The following PATJ variants were observed in gnomAD, a reference collection of about 807,000 sequenced individuals.
PATJ encodes inaD-like protein.
Under a neutral mutation model 224.9 loss-of-function variants are expected in PATJ, and 190 were observed. The ratio of observed to expected loss-of-function variants is 0.84; its 90% CI spans 0.75 to 0.95. The LOEUF (loss-of-function observed/expected upper bound fraction) is 0.95. PATJ is among the 40% of genes least tolerant of loss of function. The pLI, the probability that PATJ is intolerant of heterozygous loss-of-function variation, is 0.00. For missense variants in PATJ, 2,121 were observed against 2,270.3 expected (o/e 0.93, Z 1.34); for synonymous variants, 769 against 820.3 (o/e 0.94, Z 1.07).
chr1:61,856,062 G>T lies in PATJ; in HGVS notation c.2145G>T (p.Val715=), dbSNP rs41289422. The change falls in exon 18 of 44, where the codon GTG becomes GTT. Residue 715 remains valine, a synonymous_variant. Transcript: ENST00000642238. ...DPLDPTRSVI[V]IRSLVADGVA... ...TAGATCCTACAAGATCAGTGATTGT[G>T]ATCCGCTCCCTGGTAGCAGATGGTG... 1,696 of 1,613,938 alleles carry T rather than the reference G, an allele frequency of 1.1e-3. 2 individuals are homozygous for T. The highest frequency in any genetic ancestry group is 1.2e-3 in the Non-Finnish European group (1,466 of 1,179,934).
chr1:61,743,853 A>T (rs1252598031), intron 1 of PATJ, among the ~76,000 whole-genome samples: 1 of 152,198 alleles, frequency 6.6e-6, no homozygotes, highest in Admixed American at 6.5e-5. Context: ...CCCGAGGTGC[A>T]CAGGCCTGGC....
chr1:61,838,490 G>A (rs1461519543), intron 17 of PATJ, among the ~76,000 whole-genome samples: 4 of 151,048 alleles, frequency 2.6e-5, no homozygotes, highest in African/African-American at 4.9e-5. Context: ...GAGTAGCTGG[G>A]ACTACAGGCA....
intron 15 of PATJ, among the ~76,000 whole-genome samples, chr1:61,823,424 A>G (rs1657650811): frequency 6.6e-6 from 1 of 152,240 alleles, no homozygotes; most frequent in African/African-American, 2.4e-5. Flanking sequence ...ATTTCTAACA[A>G]GGACTACAGC....
chr1:61,793,167 G>A (rs1570524859), intron 9 of PATJ, among the ~76,000 whole-genome samples: 1 of 151,910 alleles, frequency 6.6e-6, no homozygotes, highest in African/African-American at 2.4e-5. Context: ...TCTGCCTCCC[G>A]CTTTCAAGTG....
chr1:62,013,938 T>G (rs1412097175), intron 28 of PATJ, among the ~76,000 whole-genome samples: 1 of 152,186 alleles, frequency 6.6e-6, no homozygotes, highest in Non-Finnish European at 1.5e-5. Flanking sequence ...GATGCCCAGC[T>G]AATTTTTGTA....
At chr1:62,037,033 A>C (rs1558075306) in intron 29 of PATJ, among the ~76,000 whole-genome samples, 1 of 152,098 alleles carries the variant, frequency 6.6e-6, no homozygotes, top group Non-Finnish European at 1.5e-5. Context: ...TAAAGCATAA[A>C]ATGGGGTTGG....
intron 3 of PATJ, among the ~76,000 whole-genome samples, chr1:61,763,855 C>T (rs1646110295): frequency 6.6e-6 from 1 of 151,940 alleles, no homozygotes; most frequent in Non-Finnish European, 1.5e-5. Context: ...GCAGGGTCTC[C>T]CTATGTTGCC....
chr1:61,922,434 G>A (rs1674474601), intron 26 of PATJ, among the ~76,000 whole-genome samples: 1 of 152,176 alleles, frequency 6.6e-6, no homozygotes, highest in South Asian at 2.1e-4. Context: ...AGCTCCATGA[G>A]GGCAGGGACC....
In PATJ at chr1:61,801,777, C is replaced by A; in HGVS notation, c.1549+8C>A. Reference sequence around the variant, plus strand: ...AAGCCTTAGAAAAATTGGGTAGGCACAAAGCATTCACTTTGCGATAACAGA... The same window carrying A: ...AAGCCTTAGAAAAATTGGGTAGGCAAAAAGCATTCACTTTGCGATAACAGA... On this transcript the variant is annotated splice_region_variant and intron_variant, in intron 12 of 43. Transcript: ENST00000642238. 1 of 1,543,334 alleles carries A rather than the reference C, an allele frequency of 6.5e-7. No homozygotes were observed.
rs148607647 is a variant in PATJ, at chr1:62,145,355, T to C, written c.5272-2929T>C. ...GGTAAGATGTATGCAGTTCATTAGA[T>C]AGTGATGGTGGTAAGAAGGAAACAG... On this transcript the variant is annotated intron_variant, in intron 41 of 43. Coordinates refer to ENST00000642238, the MANE Select transcript of PATJ (RefSeq NM_001350145.3). 6.0e-3 allele frequency among the ~76,000 whole-genome samples: 909 copies of C among 152,274 alleles called. 10 individuals are homozygous for C. Among genetic ancestry groups the C allele is most frequent in the Admixed American group, 9.9e-3 (151 of 15,288 alleles).
intron 14 of PATJ, among the ~76,000 whole-genome samples, chr1:61,809,387 CT>C (rs747444674): frequency 0.2 from 27,766 of 137,650 alleles, 2,142 homozygotes; most frequent in Non-Finnish European, 0.21. Context: ...AATGTATTTT[CT>C]TTTTTTTTTT....
At chr1:61,919,395 C>T (rs934708071) in intron 26 of PATJ, among the ~76,000 whole-genome samples, 1 of 151,826 alleles carries the variant, frequency 6.6e-6, no homozygotes. Flanking sequence ...TCACTGCAAC[C>T]TCACTGCCAG....
At chr1:62,025,672 A>C (rs1458685209) in intron 29 of PATJ, among the ~76,000 whole-genome samples, 1 of 152,122 alleles carries the variant, frequency 6.6e-6, no homozygotes, top group Admixed American at 6.5e-5. Context: ...AATGCCAAAA[A>C]ATTAGCTGGG....
chr1:61,878,199 C>T (rs908722912), intron 21 of PATJ, among the ~76,000 whole-genome samples: 1 of 152,176 alleles, frequency 6.6e-6, no homozygotes, highest in Non-Finnish European at 1.5e-5. Context: ...TTAAGCCATT[C>T]CTGCCTGAGC....
chr1:61,823,974 T>C (rs1255229801), intron 15 of PATJ, among the ~76,000 whole-genome samples: 1 of 152,114 alleles, frequency 6.6e-6, no homozygotes, highest in Non-Finnish European at 1.5e-5. Context: ...ATGTAGTAAG[T>C]TGCTTATTTT....
chr1:61,999,973 C>T (rs1645647604), intron 28 of PATJ, among the ~76,000 whole-genome samples: 4 of 151,956 alleles, frequency 2.6e-5, no homozygotes, highest in Admixed American at 2.0e-4. Flanking sequence ...CTCTGCCTCC[C>T]AGGTTCAAGC....
At chr1:61,810,322 A>G (rs1286834) in intron 14 of PATJ, among the ~76,000 whole-genome samples, 14 of 152,178 alleles carry the variant, frequency 9.2e-5, no homozygotes, top group Non-Finnish European at 1.8e-4. Flanking sequence ...TAAATTATTT[A>G]CAAAGTCAGA....
chr1:61,937,603 C>G (rs888693048), intron 27 of PATJ, among the ~76,000 whole-genome samples: 1 of 150,242 alleles, frequency 6.7e-6, no homozygotes, highest in South Asian at 2.1e-4. Context: ...AGATAAAATA[C>G]TAGGCAGTTT....
chr1:61,959,435 T>TATATATAATATATATATA (rs1430411264), intron 27 of PATJ, among the ~76,000 whole-genome samples: 1 of 104,380 alleles, frequency 9.6e-6, no homozygotes, highest in Non-Finnish European at 1.8e-5. Flanking sequence ...ATTTTTTTTC[T>TATATATAATATATATATA]TTTCTTTTTT....
Sources: allele counts gnomAD v4.1 joint callset (sites outside exome capture counted in the v4.1 genomes callset), GRCh38; gene constraint gnomAD v4.1.1; transcripts MANE v1.5; gene names NCBI Gene and HGNC (gene_info 2026-07-23, HGNC 2026-07-21).